WDFY3: variants seen among roughly 807,000 people sequenced by gnomAD.
WDFY3 encodes WD repeat and FYVE domain containing 3.
Under a neutral mutation model 409.6 loss-of-function variants are expected in WDFY3, and 66 were observed. That is an observed-to-expected ratio of 0.16 (90% CI 0.13 to 0.20). The LOEUF is 0.20. Among genes scored for constraint, WDFY3 ranks in the 10% least tolerant of loss-of-function variants. WDFY3 has a pLI of 1.00. For synonymous variants in WDFY3, 1,521 were observed against 1,537.1 expected, an observed-to-expected ratio of 0.99 and a Z score of 0.25; for missense variants, 3,031 against 4,298.1, an observed-to-expected ratio of 0.71 and a Z score of 8.24.
rs560197030 is a variant in WDFY3 at position 84,674,862 on chromosome 4, C to T, written c.10458-1871G>A. ...CAGCCTGGGTGACAGAGTGAGACTCCGTCTCAAAAAAAATAAAAATAAAAA... is the reference window on the plus strand; with the variant it reads ...CAGCCTGGGTGACAGAGTGAGACTCTGTCTCAAAAAAAATAAAAATAAAAA... On this transcript the variant is annotated intron_variant, in intron 67 of 67. Coordinates refer to ENST00000295888, the MANE Select transcript of WDFY3 (RefSeq NM_014991.6). Among the ~76,000 whole-genome samples the T allele has an allele frequency of 7.3e-5, 11 of 150,802 alleles. No individual in the cohort carries two copies. The South Asian group carries it at 1.0e-3, about 14-fold the overall frequency.
At chr4:84,912,245 T>TA (rs1767893370) in intron 2 of WDFY3, among the ~76,000 whole-genome samples, 1 of 152,186 alleles carries the variant, frequency 6.6e-6, no homozygotes, top group African/African-American at 2.4e-5. Context: ...AATTGCTTGA[T>TA]ACGTACCTTA....
At chr4:84,731,805 T>C (rs916841376) in intron 44 of WDFY3, among the ~76,000 whole-genome samples, 1 of 152,214 alleles carries the variant, frequency 6.6e-6, no homozygotes, top group Non-Finnish European at 1.5e-5. Flanking sequence ...AAACATATTA[T>C]GGTTATTGTA....
chr4:84,924,405 C>G (rs1046147397), intron 2 of WDFY3, among the ~76,000 whole-genome samples: 1 of 152,134 alleles, frequency 6.6e-6, no homozygotes, highest in Non-Finnish European at 1.5e-5. Flanking sequence ...ATTTAGTTGA[C>G]CATTTAACTT....
intron 2 of WDFY3, among the ~76,000 whole-genome samples, chr4:84,900,014 C>CTCTA (rs1409377364): frequency 6.6e-6 from 1 of 152,094 alleles, no homozygotes; most frequent in Non-Finnish European, 1.5e-5. Context: ...TGCCACTGTA[C>CTCTA]TCTAGCCTGG....
chr4:84,802,504 G>A (rs1300257684), intron 16 of WDFY3, among the ~76,000 whole-genome samples: 6 of 151,466 alleles, frequency 4.0e-5, no homozygotes, highest in African/African-American at 7.3e-5. Flanking sequence ...TCCTGACCTC[G>A]TGATACACCC....
chr4:84,959,563 A>G (rs1774662558), intron 1 of WDFY3, among the ~76,000 whole-genome samples: 1 of 152,204 alleles, frequency 6.6e-6, no homozygotes, highest in South Asian at 2.1e-4. Flanking sequence ...GTGAGACGTG[A>G]GGAAGACTGA....
At chr4:84,932,393 T>A (rs1394461069) in intron 1 of WDFY3, 30 bp from the exon 2 acceptor site, 1 of 152,152 alleles carries the variant, frequency 6.6e-6, no homozygotes, top group African/African-American at 2.4e-5. Flanking sequence ...GAAAACTCAG[T>A]TTATGTTCAG....
At chr4:84,947,547 T>TAATA (rs1335381172) in intron 1 of WDFY3, among the ~76,000 whole-genome samples, 3 of 139,826 alleles carry the variant, frequency 2.1e-5, no homozygotes, top group South Asian at 2.2e-4. Context: ...ATAATAAAAA[T>TAATA]AATAAATAAA....
intron 32 of WDFY3, among the ~76,000 whole-genome samples, chr4:84,764,629 AGGCG>A (rs1270180212): frequency 3.9e-5 from 6 of 152,268 alleles, no homozygotes; most frequent in Admixed American, 2.0e-4. Context: ...TAGGAGGCGA[AGGCG>A]GGTGGATCAC....
At chr4:84,902,455 A>C (rs1461695416) in intron 2 of WDFY3, among the ~76,000 whole-genome samples, 3 of 152,238 alleles carry the variant, frequency 2.0e-5, no homozygotes, top group African/African-American at 7.2e-5. Flanking sequence ...GACTAAAAAC[A>C]TTCAGACTAA....
chr4:84,956,883 T>A (rs982302727), intron 1 of WDFY3, among the ~76,000 whole-genome samples: 4 of 151,878 alleles, frequency 2.6e-5, no homozygotes, highest in African/African-American at 9.7e-5. Context: ...TGTTCTTTTG[T>A]GAAATATCAC....
At chr4:84,948,297 T>C (rs1200188122) in intron 1 of WDFY3, among the ~76,000 whole-genome samples, 2 of 152,206 alleles carry the variant, frequency 1.3e-5, no homozygotes, top group Non-Finnish European at 2.9e-5. Flanking sequence ...TGTAAGTTTG[T>C]TCATTTTAGC....
At chr4:84,704,988 A>C (rs1352798282) in intron 54 of WDFY3, among the ~76,000 whole-genome samples, 2 of 152,210 alleles carry the variant, frequency 1.3e-5, no homozygotes, top group Non-Finnish European at 2.9e-5. Context: ...CAAGTAAACT[A>C]TAAGGTTTTA....
intron 16 of WDFY3, among the ~76,000 whole-genome samples, chr4:84,802,255 CTT>C (rs776901894): frequency 1.7e-4 from 23 of 137,674 alleles, no homozygotes; most frequent in Admixed American, 1.5e-4. Context: ...CAGAAGCATA[CTT>C]TTTTTTTTTT....
At chr4:84,707,122 G>C (rs547776016) in intron 53 of WDFY3, among the ~76,000 whole-genome samples, 1 of 151,652 alleles carries the variant, frequency 6.6e-6, no homozygotes, top group Non-Finnish European at 1.5e-5. Context: ...GTAGAGATGG[G>C]GTTTGCCATG....
chr4:84,932,650 C>T (rs1299892625), intron 1 of WDFY3, among the ~76,000 whole-genome samples: 1 of 152,162 alleles, frequency 6.6e-6, no homozygotes, highest in African/African-American at 2.4e-5. Context: ...GACAACACAG[C>T]TACTTAGTGT....
At chr4:84,711,850 CAA>C (rs571281125) in intron 51 of WDFY3, among the ~76,000 whole-genome samples, 1 of 129,842 alleles carries the variant, frequency 7.7e-6, no homozygotes. Context: ...GACTCCGTCT[CAA>C]AAAAAAAAAA....
In WDFY3 at chr4:84,820,001, G is replaced by A. The variant is rs546028054; in HGVS notation, c.1693+84C>T. ...AATAGTTTTTTCTCTAAAGTGACAG[G>A]AAGATTTCAGAAGCAAGAATAACCA... On this transcript the variant is annotated intron_variant, in intron 12 of 67. Transcript: ENST00000295888. 64 of 1,215,598 alleles carry A rather than the reference G, an allele frequency of 5.3e-5. No homozygotes were observed. The East Asian group carries it at 1.1e-3, about 21-fold the overall frequency. 75.3% of individuals were successfully genotyped at this position (1,215,598 alleles called of 1,614,324 possible).
chr4:84,776,126 A>T (rs971046365), intron 27 of WDFY3, among the ~76,000 whole-genome samples: 6 of 152,206 alleles, frequency 3.9e-5, no homozygotes, highest in African/African-American at 1.4e-4. Context: ...TATCGTAGGG[A>T]TTATAAACAT....
Sources: gnomAD v4.1 joint callset for allele counts (sites outside exome capture counted in the v4.1 genomes callset) on GRCh38, gnomAD v4.1.1 for gene constraint, MANE v1.5 for transcripts, NCBI Gene and HGNC (gene_info 2026-07-23, HGNC 2026-07-21) for gene names.